Variants in CPSF2 observed in about 807,000 individuals in gnomAD.
CPSF2 encodes the protein cleavage and polyadenylation specificity factor subunit 2.
A neutral mutation model predicts 84.2 loss-of-function variants in CPSF2; 51 were observed. The ratio of observed to expected loss-of-function variants is 0.61; its 90% CI spans 0.48 to 0.77. The LOEUF is 0.77. Ranked by LOEUF, CPSF2 falls within the 30% of genes least tolerant of loss-of-function variation. The pLI, the probability that CPSF2 is intolerant of heterozygous loss-of-function variation, is 0.00. For missense variants in CPSF2, 641 were observed against 929.4 expected (o/e 0.69, Z 4.03); for synonymous variants, 286 against 311.9 (o/e 0.92, Z 0.87).
intron 2 of CPSF2, among the ~76,000 whole-genome samples, chr14:92,127,250 A>G (rs904251318): frequency 2.0e-5 from 3 of 152,212 alleles, no homozygotes; most frequent in Non-Finnish European, 4.4e-5. Flanking sequence ...TGATGTTGTA[A>G]TGGATGTGAA....
chr14:92,124,015 A>C (rs556361663), intron 1 of CPSF2, among the ~76,000 whole-genome samples: 117 of 152,344 alleles, frequency 7.7e-4, no homozygotes, highest in Non-Finnish European at 1.5e-3. Context: ...ATATAGCATC[A>C]AAAGGAATTT....
Position 92,135,365 on chromosome 14 carries a change from AG to A in CPSF2, c.416del. 6.3e-7 allele frequency: 1 copy of A among 1,599,548 alleles called. No individual in the cohort carries two copies. The highest frequency in any genetic ancestry group is 8.5e-7 in the Non-Finnish European group (1 of 1,175,220). Reference sequence around the variant, plus strand: ...CTGAGTATTGTTATCTTGTTGACATAGGTAAAGGACATGGCCTGTCTATCAC... The same window carrying A: ...CTGAGTATTGTTATCTTGTTGACATAGTAAAGGACATGGCCTGTCTATCAC... On this transcript the variant is annotated splice_acceptor_variant, in intron 5 of 15. Coordinates refer to ENST00000298875, the MANE Select transcript of CPSF2 (RefSeq NM_017437.3). LOFTEE classifies it high-confidence loss of function.
At chr14:92,145,494 C>T (rs2069132264) in intron 9 of CPSF2, among the ~76,000 whole-genome samples, 1 of 152,136 alleles carries the variant, frequency 6.6e-6, no homozygotes, top group South Asian at 2.1e-4. Context: ...TTAAGAAAAT[C>T]ATAACATCAG....
Position 92,135,506 on chromosome 14 carries a change from T to C in CPSF2, c.545+10T>C. The stretch of plus-strand genomic sequence containing the variant: ...ACCACAAGAGGGAGATGTAGGTATA[T>C]CAAGAGAAAAGCTAAAGGCAATGCA... On this transcript the variant is annotated intron_variant, in intron 6 of 15. Coordinates refer to ENST00000298875, the MANE Select transcript of CPSF2 (RefSeq NM_017437.3). The C allele has an allele frequency of 6.2e-7, 1 of 1,606,406 alleles. No homozygotes were observed. Among genetic ancestry groups the C allele is most frequent in the Non-Finnish European group, 8.5e-7 (1 of 1,177,008 alleles).
At chr14:92,125,307 C>T (rs2068831651) in intron 1 of CPSF2, among the ~76,000 whole-genome samples, 1 of 152,172 alleles carries the variant, frequency 6.6e-6, no homozygotes, top group South Asian at 2.1e-4. Flanking sequence ...TAATAATAGA[C>T]TGTCCCAGAA....
Position 92,163,529 on chromosome 14 carries a change from ATCTGG to A in CPSF2, c.*1787_*1791del, listed in dbSNP as rs2069403305. 1 of 152,612 alleles carries A rather than the reference ATCTGG, an allele frequency of 6.6e-6. No individual in the cohort carries two copies. Among genetic ancestry groups the A allele is most frequent in the Non-Finnish European group, 1.5e-5 (1 of 68,042 alleles). The allele number at this position is 152,612 out of a possible 1,614,324, so 9.5% of individuals were successfully genotyped here. On this transcript the variant is annotated 3_prime_UTR_variant, in exon 16 of 16. Coordinates refer to ENST00000298875, the MANE Select transcript of CPSF2 (RefSeq NM_017437.3). Reference sequence around the variant, plus strand: ...CTGAATTTGTTTTATGATTTAAAGCATCTGGTTTGCATATTGTATTGTAATACTGA... The same window carrying A: ...CTGAATTTGTTTTATGATTTAAAGCATTTGCATATTGTATTGTAATACTGA...
In CPSF2 at chr14:92,138,353, T is replaced by C. The variant is rs767974061; in HGVS notation, c.661+6T>C. 1 of 1,391,502 alleles carries C rather than the reference T, an allele frequency of 7.2e-7. No individual in the cohort carries two copies. The highest frequency in any genetic ancestry group is 1.3e-5 in the South Asian group (1 of 76,812). The allele number at this position is 1,391,502 out of a possible 1,614,324, so 86.2% of individuals were successfully genotyped here. A position where few individuals can be genotyped will look rare whatever the true frequency, so the allele number is the denominator to read the frequency against. On this transcript the variant is annotated splice_donor_region_variant and intron_variant, in intron 7 of 15. Transcript: ENST00000298875. ...GAGAGATGAGCAGCTTCTGAGTACG[T>C]ATTCTTTCACGTCCTTATTATTATT...
chr14:92,161,579 A>G (rs912371016), intron 15 of CPSF2, 73 bp from the exon 16 acceptor site: 14 of 1,014,918 alleles, frequency 1.4e-5, no homozygotes, highest in Middle Eastern at 2.7e-4. Flanking sequence ...TCTATTTCAT[A>G]TATTTCGGTT....
chr14:92,145,166 A>G (rs761368430), intron 9 of CPSF2, among the ~76,000 whole-genome samples: 1 of 152,240 alleles, frequency 6.6e-6, no homozygotes, highest in South Asian at 2.1e-4. Context: ...ACCTTAACAT[A>G]GAACTGTAAC....
chr14:92,138,116 T>C (rs1447083902), intron 6 of CPSF2, 116 bp from the exon 7 acceptor site: 4 of 460,260 alleles, frequency 8.7e-6, no homozygotes, highest in Non-Finnish European at 1.2e-5. Flanking sequence ...TGTCTACTTT[T>C]ATAGTTAGAG....
chr14:92,130,453 C>T lies in CPSF2; in HGVS notation c.-34-498C>T, dbSNP rs192669208. On this transcript the variant is annotated intron_variant, in intron 2 of 15. Transcript: ENST00000298875. Reference sequence around the variant, plus strand: ...GCAAGATAAAAGAGGAAGAGATTCACCTTGAAGGATGAGTTCATTAATTCC... The same window carrying T: ...GCAAGATAAAAGAGGAAGAGATTCATCTTGAAGGATGAGTTCATTAATTCC... Among the ~76,000 whole-genome samples, 223 of 152,244 alleles carry T rather than the reference C, an allele frequency of 1.5e-3. 2 individuals carry two copies. The highest frequency in any genetic ancestry group is 0.01 in the South Asian group (50 of 4,814).
chr14:92,134,380 T>G, intron 5 of CPSF2, 25 bp downstream of exon 5: 1 of 1,457,846 alleles, frequency 6.9e-7, no homozygotes, highest in South Asian at 1.2e-5. Flanking sequence ...CAGTAGTAAG[T>G]ATTTAGATGA....
chr14:92,142,701 G>A (rs1248082597), intron 8 of CPSF2, among the ~76,000 whole-genome samples: 2 of 152,098 alleles, frequency 1.3e-5, no homozygotes, highest in Non-Finnish European at 2.9e-5. Context: ...TAAGCTTTTT[G>A]CCTTGAAATA....
At chr14:92,153,955 A>G (rs2069255677) in intron 9 of CPSF2, 2 of 151,520 alleles carry the variant, frequency 1.3e-5, no homozygotes, top group Admixed American at 1.3e-4. Flanking sequence ...CTGCCTTGCA[A>G]AGTGCTAGGA....
intron 9 of CPSF2, among the ~76,000 whole-genome samples, chr14:92,152,312 A>G (rs1014272379): frequency 7.9e-5 from 12 of 151,472 alleles, no homozygotes; most frequent in African/African-American, 2.9e-4. Context: ...TATTTTTAGT[A>G]GAGATGGGCT....
intron 9 of CPSF2, among the ~76,000 whole-genome samples, chr14:92,150,111 CT>C (rs1279073581): frequency 1.4e-5 from 2 of 143,552 alleles, no homozygotes; most frequent in African/African-American, 5.3e-5. Flanking sequence ...CTGGGAACAC[CT>C]TTTTTTTGTT....
At position 92,164,271 on chromosome 14, in the gene CPSF2, T is replaced by C. The variant is rs1437590047; in HGVS notation, c.*2527T>C. The C allele has an allele frequency of 6.6e-6, 1 of 152,228 alleles. No homozygotes were observed. Among genetic ancestry groups the C allele is most frequent in the African/African-American group, 2.4e-5 (1 of 41,450 alleles). 9.4% of individuals were successfully genotyped at this position (152,228 alleles called of 1,614,324 possible). ...ATGAATACCAATACTGAAAAATTGT[T>C]TCTTGCCTCACCTTGTCCTATGAAC... On this transcript the variant is annotated 3_prime_UTR_variant, in exon 16 of 16. Transcript: ENST00000298875.
intron 14 of CPSF2, among the ~76,000 whole-genome samples, chr14:92,160,313 T>C (rs1030880470): frequency 3.3e-5 from 5 of 152,232 alleles, no homozygotes; most frequent in Admixed American, 6.5e-5. Flanking sequence ...TAACTTTTGG[T>C]TTTGATATAG....
In CPSF2 at chr14:92,154,421, A is replaced by G; in HGVS notation, c.1204A>G (p.Lys402Glu). 1 of 1,610,626 alleles carries G rather than the reference A, an allele frequency of 6.2e-7. No homozygotes were observed. ...LEEYLEKEKL[K>E]KEAAKKLEQS... ...AGAATACTTGGAAAAAGAGAAACTAAAGAAAGAAGCTGCCAAAAAGCTTGA... is the reference window on the plus strand; with the variant it reads ...AGAATACTTGGAAAAAGAGAAACTAGAGAAAGAAGCTGCCAAAAAGCTTGA... The change falls in exon 10 of 16, where the codon AAG becomes GAG. Residue 402 changes from lysine to glutamate, a missense_variant. Physicochemically the swap from Lys to Glu is moderately conservative, Grantham distance 56. Coordinates refer to ENST00000298875, the MANE Select transcript of CPSF2 (RefSeq NM_017437.3).
Sources: allele counts gnomAD v4.1 joint callset (sites outside exome capture counted in the v4.1 genomes callset), GRCh38; gene constraint gnomAD v4.1.1; transcripts MANE v1.5; gene names NCBI Gene and HGNC (gene_info 2026-07-23, HGNC 2026-07-21).